Variants in TECPR2 observed in about 807,000 individuals in gnomAD.
TECPR2 encodes tectonin beta-propeller repeat containing 2, also known as tectonin beta-propeller repeat-containing protein 2.
Under a neutral mutation model 138.1 loss-of-function variants are expected in TECPR2, and 65 were observed. The observed-to-expected ratio is 0.47, with a 90% CI of 0.39 to 0.58. The LOEUF (loss-of-function observed/expected upper bound fraction) is 0.58, where lower values mean the gene tolerates loss of function less well. TECPR2 is among the 20% of genes least tolerant of loss of function. TECPR2 has a pLI of 0.00. For synonymous variants in TECPR2, 746 were observed against 749.8 expected, an observed-to-expected ratio of 0.99 and a Z score of 0.08; for missense variants, 1,553 against 1,824.5, an observed-to-expected ratio of 0.85 and a Z score of 2.71.
At position 102,434,293 on chromosome 14, in the gene TECPR2, T is replaced by G. The variant is rs1018880145; in HGVS notation, c.1476T>G (p.Phe492Leu). ...TGGAATCGACACCCTGCTCCGAATT[T>G]CCTGGGGACAGTCCCCAGTCCTTGA... is the stretch of plus-strand genomic sequence containing the variant. ...SSLESTPCSE[F>L]PGDSPQSLNT... Residue 492 changes from phenylalanine to leucine, a missense_variant, in exon 9 of 20, where the codon TTT (phenylalanine) becomes TTG (leucine). Coordinates refer to ENST00000359520, the MANE Select transcript of TECPR2 (RefSeq NM_014844.5). 7.2e-7 allele frequency: 1 copy of G among 1,392,162 alleles called. No individual in the cohort carries two copies. The highest frequency in any genetic ancestry group is 9.4e-7 in the Non-Finnish European group (1 of 1,066,826). 86.2% of individuals were successfully genotyped at this position (1,392,162 alleles called of 1,614,324 possible).
At chr14:102,386,806 A>G (rs1057034659) in intron 2 of TECPR2, among the ~76,000 whole-genome samples, 4 of 151,102 alleles carry the variant, frequency 2.6e-5, no homozygotes, top group Non-Finnish European at 5.9e-5. Context: ...TGAATTAAAT[A>G]TTTATGTTGT....
intron 15 of TECPR2, 44 bp from the exon 16 acceptor site, chr14:102,452,350 G>C: frequency 6.4e-7 from 1 of 1,571,846 alleles, no homozygotes; most frequent in Non-Finnish European, 8.7e-7. Context: ...CAGGCGGCTT[G>C]GTGCAGACAA....
intron 2 of TECPR2, among the ~76,000 whole-genome samples, chr14:102,393,751 G>T (rs1304856287): frequency 6.6e-6 from 1 of 152,090 alleles, no homozygotes; most frequent in Non-Finnish European, 1.5e-5. Flanking sequence ...GTAGAGATGG[G>T]GTTTCTCCAT....
At position 102,465,242 on chromosome 14, in the gene TECPR2, C is replaced by T. The variant is rs768252426; in HGVS notation, c.3742C>T (p.Pro1248Ser). The T allele has an allele frequency of 5.6e-6, 9 of 1,614,012 alleles. No individual in the cohort carries two copies. The highest frequency in any genetic ancestry group is 6.8e-6 in the Non-Finnish European group (8 of 1,180,032). The change falls in exon 17 of 20, where the codon CCC becomes TCC. Residue 1248 changes from proline (P) to serine (S), a missense_variant. Transcript: ENST00000359520. The part of the protein sequence containing the change: ...YFRVGTQPLN[P>S]SLMLPAWIMI... The stretch of plus-strand genomic sequence containing the variant: ...CCGTGTAGGGACTCAGCCTCTCAAT[C>T]CCAGTCTCATGCTTCCAGCCTGGAT...
At chr14:102,446,092 G>C in intron 13 of TECPR2, 145 bp downstream of exon 13, 3 of 1,129,472 alleles carry the variant, frequency 2.7e-6, no homozygotes, top group Non-Finnish European at 3.6e-6. Context: ...TTTGAAACAA[G>C]ATCTCCTTCC....
intron 17 of TECPR2, among the ~76,000 whole-genome samples, chr14:102,471,740 T>C (rs1031421850): frequency 2.4e-4 from 36 of 152,144 alleles, no homozygotes; most frequent in Non-Finnish European, 5.0e-4. Context: ...ATAATTTGAA[T>C]CTTCTCTCAT....
intron 17 of TECPR2, among the ~76,000 whole-genome samples, chr14:102,480,255 T>C (rs1276532604): frequency 2.6e-5 from 4 of 151,476 alleles, no homozygotes; most frequent in Non-Finnish European, 4.4e-5. Flanking sequence ...GACGGAGTCT[T>C]GCTCTGTCGC....
At chr14:102,408,374 G>A in intron 3 of TECPR2, 114 bp from the exon 4 acceptor site, 1 of 1,228,000 alleles carries the variant, frequency 8.1e-7, no homozygotes, top group South Asian at 1.7e-5. Flanking sequence ...AAACGAGATT[G>A]GGAAAACCAG....
intron 17 of TECPR2, among the ~76,000 whole-genome samples, chr14:102,489,943 C>T (rs1452117102): frequency 2.6e-5 from 4 of 151,946 alleles, no homozygotes; most frequent in Non-Finnish European, 5.9e-5. Context: ...GAAGAATCTA[C>T]ACTAACTTTA....
chr14:102,384,760 T>C (rs893620398), intron 2 of TECPR2, among the ~76,000 whole-genome samples: 2 of 149,362 alleles, frequency 1.3e-5, no homozygotes, highest in South Asian at 4.2e-4. Context: ...TGTGTATATA[T>C]ATATATCTAT....
intron 17 of TECPR2, among the ~76,000 whole-genome samples, chr14:102,479,095 C>G (rs1890832061): frequency 6.7e-6 from 1 of 149,896 alleles, no homozygotes; most frequent in Non-Finnish European, 1.5e-5. Flanking sequence ...AGTTAAATGA[C>G]TAAAAGAAGA....
Position 102,502,078 on chromosome 14 carries a change from G to C in TECPR2, c.*3821G>C, listed in dbSNP as rs1884012427. 6.6e-6 allele frequency: 1 copy of C among 152,266 alleles called. No individual in the cohort carries two copies. The highest frequency in any genetic ancestry group is 2.1e-4 in the South Asian group (1 of 4,832). 9.4% of individuals were successfully genotyped at this position (152,266 alleles called of 1,614,324 possible). A position where few individuals can be genotyped will look rare whatever the true frequency, so the allele number is the denominator to read the frequency against. On this transcript the variant is annotated 3_prime_UTR_variant, in exon 20 of 20. Coordinates refer to ENST00000359520, the MANE Select transcript of TECPR2 (RefSeq NM_014844.5). ...GGCATTTGGGAACAGCCATGTTAACGTGAGCAAATTCCTCTCATGAAATAG... is the reference window on the plus strand; with the variant it reads ...GGCATTTGGGAACAGCCATGTTAACCTGAGCAAATTCCTCTCATGAAATAG...
chr14:102,384,012 C>G (rs533141300), intron 2 of TECPR2, among the ~76,000 whole-genome samples: 5 of 151,620 alleles, frequency 3.3e-5, no homozygotes, highest in African/African-American at 1.2e-4. Context: ...ACTCTGCCTC[C>G]CGATTCAAGC....
intron 16 of TECPR2, among the ~76,000 whole-genome samples, 153 bp from the exon 17 acceptor site, chr14:102,464,988 C>T (rs1170354475): frequency 6.6e-6 from 1 of 152,218 alleles, no homozygotes; most frequent in African/African-American, 2.4e-5. Flanking sequence ...TGTGGATGGA[C>T]TAGGACAGAT....
chr14:102,386,108 T>A (rs1168242897), intron 2 of TECPR2, among the ~76,000 whole-genome samples: 1 of 152,108 alleles, frequency 6.6e-6, no homozygotes, highest in Non-Finnish European at 1.5e-5. Context: ...TCAACAGCAT[T>A]TTTTGAGCGC....
intron 17 of TECPR2, among the ~76,000 whole-genome samples, chr14:102,472,360 G>A (rs1890669404): frequency 6.6e-6 from 1 of 152,210 alleles, no homozygotes; most frequent in African/African-American, 2.4e-5. Context: ...ATGGGGAAGA[G>A]AGCTTTGCTT....
rs564023908 is a variant in TECPR2 at position 102,367,054 on chromosome 14, G to A, written c.-73+3938G>A. 2.0e-5 allele frequency among the ~76,000 whole-genome samples: 3 copies of A among 152,296 alleles called. No individual in the cohort carries two copies. In the East Asian group the frequency reaches 5.8e-4, roughly 29 times the overall value. On this transcript the variant is annotated intron_variant, in intron 1 of 19. Coordinates refer to ENST00000359520, the MANE Select transcript of TECPR2 (RefSeq NM_014844.5). Reference sequence around the variant, plus strand: ...CCTGAGTGGGACAGAGTGGGTCAGTGGAGCTAGAACTTGGAGGACAAGTGG... The same window carrying A: ...CCTGAGTGGGACAGAGTGGGTCAGTAGAGCTAGAACTTGGAGGACAAGTGG...
chr14:102,496,528 C>T (rs914557772), intron 17 of TECPR2, among the ~76,000 whole-genome samples: 2 of 152,244 alleles, frequency 1.3e-5, no homozygotes, highest in African/African-American at 4.8e-5. Flanking sequence ...GCAGCACATT[C>T]GGGAGGACAG....
At chr14:102,405,755 G>A (rs1888641690) in intron 2 of TECPR2, among the ~76,000 whole-genome samples, 1 of 152,208 alleles carries the variant, frequency 6.6e-6, no homozygotes, top group African/African-American at 2.4e-5. Context: ...ATTCACAGTA[G>A]TTAAAATGGG....
Sources: allele counts gnomAD v4.1 joint callset (sites outside exome capture counted in the v4.1 genomes callset), GRCh38; gene constraint gnomAD v4.1.1; transcripts MANE v1.5; gene names NCBI Gene and HGNC (gene_info 2026-07-23, HGNC 2026-07-21).